Variants in HGSNAT observed in about 807,000 individuals in gnomAD.
HGSNAT encodes transmembrane protein 76.
Under a neutral mutation model 85.2 loss-of-function variants are expected in HGSNAT, and 59 were observed. The observed-to-expected ratio is 0.69, with a 90% CI of 0.56 to 0.86. The LOEUF is 0.86. HGSNAT is among the 40% of genes least tolerant of loss of function. The pLI is 0.00. For synonymous variants in HGSNAT, 321 were observed against 304.5 expected, an observed-to-expected ratio of 1.05 and a Z score of -0.56; for missense variants, 756 against 777.1, an observed-to-expected ratio of 0.97 and a Z score of 0.32.
At position 43,199,875 on chromosome 8, in the gene HGSNAT, A is replaced by G. The variant is rs1804862321; in HGVS notation, c.*306A>G. The G allele has an allele frequency of 5.0e-6, 1 of 199,784 alleles. No homozygotes were observed. Among genetic ancestry groups the G allele is most frequent in the Non-Finnish European group, 1.0e-5 (1 of 99,540 alleles). The allele number at this position is 199,784 out of a possible 1,614,324, so 12.4% of individuals were successfully genotyped here. On this transcript the variant is annotated 3_prime_UTR_variant, in exon 18 of 18. Coordinates refer to ENST00000379644, the MANE Select transcript of HGSNAT (RefSeq NM_152419.3). ...TTTAACTTTCCAAAAGGGAATTGCC[A>G]TGGGTGTTTTTCTTCTGTGGTGAGT...
chr8:43,149,979 C>T (rs1312610587), intron 2 of HGSNAT, among the ~76,000 whole-genome samples: 4 of 151,134 alleles, frequency 2.6e-5, no homozygotes, highest in Admixed American at 6.6e-5. Context: ...TATTTTAAGA[C>T]GGAGTCTTGC....
In HGSNAT at chr8:43,199,660, A is replaced by G. The variant is rs1804855410; in HGVS notation, c.*91A>G. 4 of 999,542 alleles carry G rather than the reference A, an allele frequency of 4.0e-6. No individual in the cohort carries two copies. In the Admixed American group the frequency reaches 1.3e-4, roughly 32 times the overall value. 61.9% of individuals were successfully genotyped at this position (999,542 alleles called of 1,614,324 possible). A position where few individuals can be genotyped will look rare whatever the true frequency, so the allele number is the denominator to read the frequency against. ...TTGTTAAAGGGAAGCATTCATTAGG[A>G]AATTGACTGGCTGCGTGTTTACAGA... On this transcript the variant is annotated 3_prime_UTR_variant, in exon 18 of 18. Coordinates refer to ENST00000379644, the MANE Select transcript of HGSNAT (RefSeq NM_152419.3).
At chr8:43,165,608 T>C (rs1357042544) in intron 5 of HGSNAT, among the ~76,000 whole-genome samples, 2 of 152,158 alleles carry the variant, frequency 1.3e-5, no homozygotes, top group Non-Finnish European at 2.9e-5. Flanking sequence ...TGAAGAAAAT[T>C]AAATGTTCTA....
intron 2 of HGSNAT, among the ~76,000 whole-genome samples, chr8:43,147,823 C>T (rs530560045): frequency 6.6e-6 from 1 of 152,262 alleles, no homozygotes; most frequent in African/African-American, 2.4e-5. Context: ...GAAAAATTAC[C>T]TACTAGGTAC....
chr8:43,149,137 A>ATAAG (rs1464386795), intron 2 of HGSNAT, among the ~76,000 whole-genome samples: 1 of 151,318 alleles, frequency 6.6e-6, no homozygotes, highest in East Asian at 1.9e-4. Flanking sequence ...AAATAAATAA[A>ATAAG]TAAATAAATA....
intron 14 of HGSNAT, chr8:43,196,626 C>A: frequency 1.1e-6 from 1 of 915,590 alleles, no homozygotes; most frequent in East Asian, 5.0e-5. Context: ...ATGCTTCCCC[C>A]GAGCTCTGTG....
At chr8:43,176,316 A>C (rs1216684836) in intron 9 of HGSNAT, among the ~76,000 whole-genome samples, 7 of 152,154 alleles carry the variant, frequency 4.6e-5, no homozygotes, top group Admixed American at 1.3e-4. Context: ...TCCTTTCTCC[A>C]ATGTGTGTTC....
intron 11 of HGSNAT, among the ~76,000 whole-genome samples, chr8:43,189,610 T>C (rs936891517): frequency 4.6e-5 from 7 of 152,182 alleles, no homozygotes; most frequent in East Asian, 1.9e-4. Context: ...CTCCGTGGGC[T>C]GTACCCACTG....
chr8:43,168,441 G>T (rs2130740050), intron 5 of HGSNAT, among the ~76,000 whole-genome samples: 1 of 131,078 alleles, frequency 7.6e-6, no homozygotes, highest in East Asian at 2.2e-4. Flanking sequence ...GCCCAGGCTG[G>T]AGTCCAGTGG....
rs768001020 is a variant in HGSNAT at position 43,197,749 on chromosome 8, A to G, written c.1613+7A>G. 6 of 1,610,744 alleles carry G rather than the reference A, an allele frequency of 3.7e-6. No homozygotes were observed. The highest frequency in any genetic ancestry group is 5.1e-6 in the Non-Finnish European group (6 of 1,176,916). Reference sequence around the variant, plus strand: ...CAGTAAACAAAAATCTCTGGTATGTATGGAAAAAGCATGATTTTATGGATG... The same window carrying G: ...CAGTAAACAAAAATCTCTGGTATGTGTGGAAAAAGCATGATTTTATGGATG... On this transcript the variant is annotated splice_region_variant and intron_variant, in intron 16 of 17. Transcript: ENST00000379644.
intron 2 of HGSNAT, among the ~76,000 whole-genome samples, chr8:43,153,221 A>G (rs996432694): frequency 1.3e-5 from 2 of 152,228 alleles, no homozygotes; most frequent in Non-Finnish European, 2.9e-5. Flanking sequence ...AAGAACCTAG[A>G]GTATTATAAC....
intron 11 of HGSNAT, among the ~76,000 whole-genome samples, chr8:43,190,346 G>T (rs1804486136): frequency 6.6e-6 from 1 of 152,116 alleles, no homozygotes; most frequent in African/African-American, 2.4e-5. Context: ...TTCAAGATAC[G>T]TAACTAGCAA....
chr8:43,165,189 A>G (rs1318285995), intron 5 of HGSNAT, among the ~76,000 whole-genome samples: 4 of 150,700 alleles, frequency 2.7e-5, no homozygotes, highest in African/African-American at 9.8e-5. Context: ...GGTAATCGTT[A>G]TAATATTTCA....
chr8:43,199,308 C>G, intron 17 of HGSNAT, 80 bp from the exon 18 acceptor site: 1 of 1,024,522 alleles, frequency 9.8e-7, no homozygotes, highest in Non-Finnish European at 1.4e-6. Flanking sequence ...TTTCATTGAA[C>G]TGGTTTCAAG....
Position 43,199,497 on chromosome 8 carries a change from C to A in HGSNAT, c.1836C>A (p.Asn612Lys). 6.2e-7 allele frequency: 1 copy of A among 1,611,998 alleles called. No individual in the cohort carries two copies. Among genetic ancestry groups the A allele is most frequent in the African/African-American group, 1.3e-5 (1 of 75,012 alleles). ...NQSHKEHLTQ[N>K]IVATALWVLI... ...CCCACAAGGAGCACCTGACTCAGAA[C>A]ATCGTCGCCACTGCCCTCTGGGTGC... Residue 612 changes from asparagine to lysine, a missense_variant, in exon 18 of 18, where the codon AAC (asparagine) becomes AAA (lysine). Transcript: ENST00000379644.
chr8:43,182,290 CT>C (rs767129403), intron 11 of HGSNAT, 30 bp downstream of exon 11: 3 of 1,539,280 alleles, frequency 1.9e-6, no homozygotes, highest in East Asian at 2.2e-5. Context: ...TTAAGAAAAA[CT>C]TTTTTTAAAT....
At chr8:43,147,213 G>C (rs1802747137) in intron 2 of HGSNAT, 150 bp downstream of exon 2, 1 of 563,820 alleles carries the variant, frequency 1.8e-6, no homozygotes, top group Non-Finnish European at 3.1e-6. Context: ...AAGAAATACA[G>C]TCAGGGGAGG....
At chr8:43,178,683 G>C (rs1180889292) in intron 10 of HGSNAT, among the ~76,000 whole-genome samples, 1 of 147,100 alleles carries the variant, frequency 6.8e-6, no homozygotes, top group Non-Finnish European at 1.5e-5. Context: ...TAGGACAATA[G>C]TGGAGGGAAG....
At chr8:43,170,164 T>C (rs963546226) in intron 6 of HGSNAT, among the ~76,000 whole-genome samples, 4 of 152,204 alleles carry the variant, frequency 2.6e-5, no homozygotes, top group African/African-American at 7.2e-5. Context: ...AGATTTCTAC[T>C]ATATCACATT....
Sources: gnomAD v4.1 joint callset for allele counts (sites outside exome capture counted in the v4.1 genomes callset) on GRCh38, gnomAD v4.1.1 for gene constraint, MANE v1.5 for transcripts, NCBI Gene and HGNC (gene_info 2026-07-23, HGNC 2026-07-21) for gene names.